Variants in MYH10 observed in about 807,000 individuals in gnomAD.
MYH10 encodes the protein myosin heavy chain 10.
MYH10 carries 55 observed loss-of-function variants against 257.8 expected under a neutral mutation model. The observed-to-expected ratio is 0.21, with a 90% CI of 0.17 to 0.27. MYH10 has a LOEUF of 0.27. Ranked by LOEUF, MYH10 falls within the 10% of genes least tolerant of loss-of-function variation. The probability of loss-of-function intolerance (pLI) is 1.00; values close to 1 mark genes in which losing one functional copy is unlikely to be tolerated. For synonymous variants in MYH10, 854 were observed against 921.7 expected (o/e 0.93, Z 1.33); for missense variants, 1,631 against 2,500.6 (o/e 0.65, Z 7.42).
At chr17:8,491,084 C>T (rs540262389) in intron 34 of MYH10, among the ~76,000 whole-genome samples, 26 of 152,284 alleles carry the variant, frequency 1.7e-4, no homozygotes, top group Non-Finnish European at 3.1e-4. Flanking sequence ...TCATTCTCTG[C>T]GCCAAGCACT....
Position 8,490,277 on chromosome 17 carries a change from G to T in MYH10, c.4884+63C>A. On this transcript the variant is annotated intron_variant, in intron 35 of 42. Coordinates refer to ENST00000360416, the MANE Select transcript of MYH10 (RefSeq NM_001256012.3). This position sits in a 1 kb window ranked among gnomAD's most constrained non-coding sequence, Gnocchi z 4.1. ...TTCTAACACGAATGAACAGGATACT[G>T]ACCCAGAGCTGGGCTTTGAGAGCCT... 1 of 1,444,982 alleles carries T rather than the reference G, an allele frequency of 6.9e-7. No individual in the cohort carries two copies. The highest frequency in any genetic ancestry group is 9.7e-7 in the Non-Finnish European group (1 of 1,033,554). 89.5% of individuals were successfully genotyped at this position (1,444,982 alleles called of 1,614,324 possible).
At position 8,478,442 on chromosome 17, in the gene MYH10, G is replaced by A; in HGVS notation, c.5602C>T (p.Arg1868Ter). The A allele has an allele frequency of 6.2e-7, 1 of 1,614,108 alleles. No individual in the cohort carries two copies. The highest frequency in any genetic ancestry group is 8.5e-7 in the Non-Finnish European group (1 of 1,179,950). ...EEQLEQEAKE[R>*]AAANKLVRRT... is the part of the protein sequence containing the mutation. ...CGGACTAATTTGTTGGCGGCTGCTC[G>A]TTCCCTGTGAAAGTGGTCACAGTAG... The change falls in exon 41 of 43, where the codon CGA (arginine) becomes TGA (stop). Residue 1868 changes from arginine to a stop codon, truncating the protein, a stop_gained. Transcript: ENST00000360416. LOFTEE classifies it high-confidence loss of function.
At chr17:8,485,337 T>A (rs1194175602) in intron 36 of MYH10, among the ~76,000 whole-genome samples, 2 of 151,866 alleles carry the variant, frequency 1.3e-5, no homozygotes, top group African/African-American at 4.8e-5. Flanking sequence ...ATAAAAAAGA[T>A]CTAAATAAAT....
intron 2 of MYH10, among the ~76,000 whole-genome samples, chr17:8,606,974 G>A (rs2084835918): frequency 6.6e-6 from 1 of 152,132 alleles, no homozygotes; most frequent in African/African-American, 2.4e-5. Flanking sequence ...CAAGTCTCTT[G>A]TCTATCTAGT....
rs780467361 is a variant in MYH10 at position 8,484,209 on chromosome 17, T to A, written c.5104A>T (p.Ile1702Phe). ...LEEARASRDE[I>F]FAQSKESEKK... ...TCACTCTCTTTGGATTGAGCAAAAA[T>A]CTCATCTCTGGATGCACGAGCTTCT... The change falls in exon 37 of 43, where the codon ATT becomes TTT. Residue 1702 changes from isoleucine to phenylalanine, a missense_variant. Ile to Phe is a conservative substitution (Grantham distance 21). Transcript: ENST00000360416. 6.2e-7 allele frequency: 1 copy of A among 1,613,008 alleles called. No individual in the cohort carries two copies. The highest frequency in any genetic ancestry group is 1.1e-5 in the South Asian group (1 of 90,844).
intron 14 of MYH10, among the ~76,000 whole-genome samples, chr17:8,540,662 A>G (rs1199329285): frequency 6.6e-6 from 1 of 152,200 alleles, no homozygotes; most frequent in East Asian, 1.9e-4. Flanking sequence ...CTAAAATAAA[A>G]CTGCAGGTAC....
chr17:8,561,217 C>T, intron 7 of MYH10: 1 of 779,616 alleles, frequency 1.3e-6, no homozygotes, highest in Middle Eastern at 2.6e-4. Context: ...CCTCTCCGGT[C>T]CGTGCCTCCA....
chr17:8,507,426 C>T (rs1056416076), intron 26 of MYH10, among the ~76,000 whole-genome samples: 5 of 152,342 alleles, frequency 3.3e-5, no homozygotes, highest in Admixed American at 2.6e-4. Context: ...AACTTCCATC[C>T]TCTTTTCTTA....
At chr17:8,495,372 G>A in intron 30 of MYH10, 131 bp from the exon 31 acceptor site, 1 of 629,938 alleles carries the variant, frequency 1.6e-6, no homozygotes, top group Non-Finnish European at 2.8e-6. Flanking sequence ...ATTCAGTTAA[G>A]GAAGACTCAC....
At position 8,480,119 on chromosome 17, in the gene MYH10, T is replaced by C; in HGVS notation, c.5588A>G (p.Gln1863Arg). 1 of 1,614,114 alleles carries C rather than the reference T, an allele frequency of 6.2e-7. No homozygotes were observed. Among genetic ancestry groups the C allele is most frequent in the Non-Finnish European group, 8.5e-7 (1 of 1,179,992 alleles). Residue 1863 changes from glutamine (Q) to arginine (R), a missense_variant, in exon 40 of 43, where the codon CAG (glutamine) becomes CGG (arginine). Gln to Arg is a conservative substitution (Grantham distance 43, BLOSUM62 1). Transcript: ENST00000360416. The part of the protein sequence containing the change: ...KIGQLEEQLE[Q>R]EAKERAAANK... The stretch of plus-strand genomic sequence containing the variant: ...AGCAAAAACCTCTTACTTGGCTTCC[T>C]GCTCAAGCTGCTCCTCCAGCTGCCC...
intron 14 of MYH10, among the ~76,000 whole-genome samples, chr17:8,536,534 C>A (rs1264562966): frequency 6.6e-6 from 1 of 152,102 alleles, no homozygotes; most frequent in Admixed American, 6.5e-5. Flanking sequence ...GCAATTATTA[C>A]TTCATTGAAA....
chr17:8,566,780 T>C (rs2083179549), intron 7 of MYH10, among the ~76,000 whole-genome samples: 1 of 152,196 alleles, frequency 6.6e-6, no homozygotes, highest in South Asian at 2.1e-4. Context: ...TAATATAGAA[T>C]TATATCTGTC....
intron 28 of MYH10, among the ~76,000 whole-genome samples, chr17:8,501,632 T>G (rs1035978238): frequency 6.6e-6 from 1 of 152,104 alleles, no homozygotes; most frequent in African/African-American, 2.4e-5. Context: ...AGGAAATGGC[T>G]TAAGGTTGGG....
At chr17:8,536,214 C>A (rs775115071) in intron 14 of MYH10, among the ~76,000 whole-genome samples, 21 of 152,086 alleles carry the variant, frequency 1.4e-4, no homozygotes, top group South Asian at 6.2e-4. Context: ...GATGGCCCCA[C>A]AAAAGTGGCA....
chr17:8,622,265 C>G (rs2085495209), intron 2 of MYH10, among the ~76,000 whole-genome samples: 2 of 151,956 alleles, frequency 1.3e-5, no homozygotes, highest in African/African-American at 2.4e-5. Context: ...TTACATTTTT[C>G]CTCTCTACAT....
chr17:8,585,240 A>ATATATG (rs57834285), intron 4 of MYH10, among the ~76,000 whole-genome samples: 1 of 140,144 alleles, frequency 7.1e-6, no homozygotes, highest in East Asian at 2.1e-4. Flanking sequence ...GTGTGTATAT[A>ATATATG]TGTGTATATA....
At position 8,492,520 on chromosome 17, in the gene MYH10, G is replaced by C; in HGVS notation, c.4459-11C>G. ...CTCTTCTGCTAACAGCTGTGCAGAAGGGGATGGGGGAATACGAAAAACCGA... is the reference window on the plus strand; with the variant it reads ...CTCTTCTGCTAACAGCTGTGCAGAACGGGATGGGGGAATACGAAAAACCGA... On this transcript the variant is annotated splice_polypyrimidine_tract_variant and intron_variant, in intron 33 of 42. Coordinates refer to ENST00000360416, the MANE Select transcript of MYH10 (RefSeq NM_001256012.3). 1 of 1,593,812 alleles carries C rather than the reference G, an allele frequency of 6.3e-7. No individual in the cohort carries two copies. The highest frequency in any genetic ancestry group is 8.5e-7 in the Non-Finnish European group (1 of 1,170,502).
rs1365330402 is a variant in MYH10 at position 8,545,304 on chromosome 17, T to C, written c.1431+144A>G. On this transcript the variant is annotated intron_variant, in intron 13 of 42. Transcript: ENST00000360416. The surrounding 1 kb of genome is among the most constrained non-coding windows in gnomAD (Gnocchi z 4.7). ...ACAGACCTGCGGATTCACTGATTAT[T>C]TGCCATTTATTGTTTGGCTCTACTA... 2.3e-6 allele frequency: 2 copies of C among 863,190 alleles called. No homozygotes were observed. The highest frequency in any genetic ancestry group is 3.5e-6 in the Non-Finnish European group (2 of 566,000). The allele number at this position is 863,190 out of a possible 1,614,324, so 53.5% of individuals were successfully genotyped here. A position where few individuals can be genotyped will look rare whatever the true frequency, so the allele number is the denominator to read the frequency against.
chr17:8,575,348 C>T (rs1435792965), intron 6 of MYH10, among the ~76,000 whole-genome samples: 1 of 152,184 alleles, frequency 6.6e-6, no homozygotes, highest in African/African-American at 2.4e-5. Flanking sequence ...AATAGCGACA[C>T]AAGTACAAAT....
Sources: allele counts gnomAD v4.1 joint callset (sites outside exome capture counted in the v4.1 genomes callset), GRCh38; gene constraint gnomAD v4.1.1; non-coding constraint Gnocchi (gnomAD v3.1); transcripts MANE v1.5; gene names NCBI Gene and HGNC (gene_info 2026-07-23, HGNC 2026-07-21).